Variants in AKAP13 observed in about 807,000 individuals in gnomAD.
The protein encoded by AKAP13 is A-kinase anchor protein 13.
Under a neutral mutation model 264.5 loss-of-function variants are expected in AKAP13, and 80 were observed. That is an observed-to-expected ratio of 0.30 (90% CI 0.25 to 0.36). The LOEUF (loss-of-function observed/expected upper bound fraction) is 0.36. Among genes scored for constraint, AKAP13 ranks in the 10% least tolerant of loss-of-function variants. The probability of loss-of-function intolerance (pLI) is 1.00; values close to 1 mark genes in which losing one functional copy is unlikely to be tolerated. For synonymous variants in AKAP13, 1,380 were observed against 1,250.2 expected (o/e 1.10, Z -2.19); for missense variants, 3,712 against 3,435.2 (o/e 1.08, Z -2.01).
rs907744009 is a variant in AKAP13, at chr15:85,579,419, G to C, written c.1351G>C (p.Val451Leu). Residue 451 changes from valine (V) to leucine (L), a missense_variant, in exon 7 of 37, where the codon GTC becomes CTC. This residue lies in a region of AKAP13 where 2,759 missense variants were observed against 2,411.7 expected (regional missense o/e 1.14). Coordinates refer to ENST00000394518, the MANE Select transcript of AKAP13 (RefSeq NM_007200.5). ...AGATGCTGTGCTTCAGAGAGACTTGGTCATGGAGCCAGGCACAGCCCAGTA... is the reference window on the plus strand; with the variant it reads ...AGATGCTGTGCTTCAGAGAGACTTGCTCATGGAGCCAGGCACAGCCCAGTA... ...SGDAVLQRDL[V>L]MEPGTAQYSS... 1 of 1,614,144 alleles carries C rather than the reference G, an allele frequency of 6.2e-7. No individual in the cohort carries two copies. The highest frequency in any genetic ancestry group is 1.3e-5 in the African/African-American group (1 of 75,048).
chr15:85,584,938 G>A (rs1463087244), intron 7 of AKAP13, among the ~76,000 whole-genome samples: 1 of 152,272 alleles, frequency 6.6e-6, no homozygotes, highest in East Asian at 1.9e-4. Context: ...AGTGTCAGAA[G>A]CCTAAATTTG....
At position 85,743,866 on chromosome 15, in the gene AKAP13, T is replaced by C. The variant is rs750024609; in HGVS notation, c.8392+41T>C. The C allele has an allele frequency of 8.3e-6, 13 of 1,559,094 alleles. No homozygotes were observed. In the South Asian group the frequency reaches 1.2e-4, roughly 15 times the overall value. ...CTGCTCTCCCTGTGGCCATAGTGTC[T>C]GTGCATTCTGAGAGAGGGTAGATTT... On this transcript the variant is annotated intron_variant, in intron 36 of 36. Transcript: ENST00000394518.
At chr15:85,413,158 AT>A (rs919791913) in intron 1 of AKAP13, among the ~76,000 whole-genome samples, 14 of 152,310 alleles carry the variant, frequency 9.2e-5, no homozygotes, top group African/African-American at 3.1e-4. Context: ...TTGTCTGAAG[AT>A]TGTTGATGCA....
chr15:85,550,066 G>A (rs1489344710), intron 5 of AKAP13, among the ~76,000 whole-genome samples: 4 of 152,072 alleles, frequency 2.6e-5, no homozygotes, highest in South Asian at 2.1e-4. Flanking sequence ...ACAGGTGCAC[G>A]CCACCACGCC....
chr15:85,714,571 C>T (rs2086813547), intron 19 of AKAP13, among the ~76,000 whole-genome samples: 1 of 152,232 alleles, frequency 6.6e-6, no homozygotes. Context: ...ACAAGGGGGG[C>T]TGAGATTCCA....
chr15:85,405,826 G>T (rs988772929), intron 1 of AKAP13, among the ~76,000 whole-genome samples: 15 of 152,072 alleles, frequency 9.9e-5, no homozygotes, highest in African/African-American at 3.6e-4. Context: ...TCATACTACT[G>T]GTAGAATACC....
rs2085392371 is a variant in AKAP13, at chr15:85,693,281, A to G, written c.5294A>G (p.Lys1765Arg). Residue 1765 changes from lysine (K) to arginine (R), a missense_variant, in exon 17 of 37, where the codon AAG becomes AGG. This residue lies in a region of AKAP13 where 2,759 missense variants were observed against 2,411.7 expected (regional missense o/e 1.14). Transcript: ENST00000394518. ...KMSSSKKSKE[K>R]EKEKDKIKEK... ...TTATTTTCTTTTCTTCGGCAGGAAAAGGAAAAAGAAAAAGATAAGATTAAG... is the reference window on the plus strand; with the variant it reads ...TTATTTTCTTTTCTTCGGCAGGAAAGGGAAAAAGAAAAAGATAAGATTAAG... The G allele has an allele frequency of 6.3e-7, 1 of 1,591,456 alleles. No homozygotes were observed.
chr15:85,520,813 T>G (rs2076796127), intron 2 of AKAP13: 1 of 470,158 alleles, frequency 2.1e-6, no homozygotes, highest in African/African-American at 2.0e-5. Flanking sequence ...TAGGTGATTT[T>G]GTTTGTTGTG....
At chr15:85,414,369 G>C (rs534702007) in intron 1 of AKAP13, among the ~76,000 whole-genome samples, 33 of 152,162 alleles carry the variant, frequency 2.2e-4, no homozygotes, top group African/African-American at 7.7e-4. Flanking sequence ...ATGAATAGTA[G>C]CACAGTAAAA....
At chr15:85,534,935 T>C (rs918648641) in intron 4 of AKAP13, 28 of 152,238 alleles carry the variant, frequency 1.8e-4, no homozygotes, top group African/African-American at 6.5e-4. Flanking sequence ...AATTGAACGA[T>C]TTGGGAGTCC....
chr15:85,736,160 A>G (rs1207923629), intron 33 of AKAP13, 26 bp downstream of exon 33: 1 of 1,550,348 alleles, frequency 6.5e-7, no homozygotes, highest in African/African-American at 1.4e-5. Flanking sequence ...ACTATTTAAG[A>G]AAATATGTGT....
At chr15:85,496,502 A>T (rs765537015) in intron 2 of AKAP13, among the ~76,000 whole-genome samples, 1 of 152,320 alleles carries the variant, frequency 6.6e-6, no homozygotes. Flanking sequence ...GAACAAGTGT[A>T]GTTTGCATAA....
At chr15:85,699,142 T>C (rs2085752053) in intron 17 of AKAP13, among the ~76,000 whole-genome samples, 2 of 151,656 alleles carry the variant, frequency 1.3e-5, no homozygotes, top group South Asian at 4.1e-4. Flanking sequence ...ACAAACAGTT[T>C]ATATAAATTT....
At position 85,579,962 on chromosome 15, in the gene AKAP13, C is replaced by T. The variant is rs2079120674; in HGVS notation, c.1894C>T (p.His632Tyr). The T allele has an allele frequency of 6.2e-7, 1 of 1,614,190 alleles. No homozygotes were observed. Among genetic ancestry groups the T allele is most frequent in the Non-Finnish European group, 8.5e-7 (1 of 1,180,024 alleles). The change falls in exon 7 of 37, where the codon CAC (histidine) becomes TAC (tyrosine). Residue 632 changes from histidine to tyrosine, a missense_variant. Transcript: ENST00000394518. ...TGGGCTGGAAGAAGATGTAATGCCA[C>T]ACCAGAACTCAGAAACAAATTCATC... ...LLGLEEDVMPHQNSETNSSHA... is the reference protein window; with the variant it reads ...LLGLEEDVMPYQNSETNSSHA...
At chr15:85,405,491 G>A (rs2071618881) in intron 1 of AKAP13, among the ~76,000 whole-genome samples, 1 of 152,178 alleles carries the variant, frequency 6.6e-6, no homozygotes, top group African/African-American at 2.4e-5. Context: ...AATTCTGGTA[G>A]GGTTGGCAAA....
At chr15:85,478,156 A>G (rs746557426) in intron 1 of AKAP13, among the ~76,000 whole-genome samples, 1 of 152,230 alleles carries the variant, frequency 6.6e-6, no homozygotes, top group Admixed American at 6.5e-5. Context: ...ACCCTTTACT[A>G]AAGTGGTAGG....
chr15:85,701,787 T>C (rs1259485720), intron 17 of AKAP13, among the ~76,000 whole-genome samples: 1 of 146,192 alleles, frequency 6.8e-6, no homozygotes, highest in African/African-American at 2.6e-5. Context: ...CAAAAAGGAA[T>C]AGTTTAAGTT....
At chr15:85,619,476 C>G in intron 8 of AKAP13, 1 of 985,328 alleles carries the variant, frequency 1.0e-6, no homozygotes, top group South Asian at 4.7e-5. Context: ...AGAGAGATTC[C>G]AAAGACTTTA....
chr15:85,740,654 A>G (rs1198144413), intron 34 of AKAP13: 1 of 320,528 alleles, frequency 3.1e-6, no homozygotes. Context: ...TCCCAGGAAC[A>G]TCCTCAAATT....
Sources: gnomAD v4.1 joint callset for allele counts (sites outside exome capture counted in the v4.1 genomes callset) on GRCh38, gnomAD v4.1.1 for gene constraint, gnomAD v4.1.1 regional missense constraint, MANE v1.5 for transcripts, NCBI Gene and HGNC (gene_info 2026-07-23, HGNC 2026-07-21) for gene names.